The following ABCA1 variants were observed in gnomAD, a reference collection of about 807,000 sequenced individuals.
The protein encoded by ABCA1 is phospholipid-transporting ATPase ABCA1.
ABCA1 carries 133 observed loss-of-function variants against 262.5 expected under a neutral mutation model. The ratio of observed to expected loss-of-function variants is 0.51; its 90% CI spans 0.44 to 0.59. The LOEUF is 0.59. Ranked by LOEUF, ABCA1 falls within the 20% of genes least tolerant of loss-of-function variation. The pLI is 0.00. For missense variants in ABCA1, 2,452 were observed against 2,777.5 expected (o/e 0.88, Z 2.63); for synonymous variants, 1,022 against 1,043.5 (o/e 0.98, Z 0.40).
In ABCA1 at chr9:104,840,355, C is replaced by T. The variant is rs201116971; in HGVS notation, c.978G>A (p.Glu326=). ...CAAAGAGGGCTTTGTAGTTGTTGTC[C>T]TCATACCAGTTGAGAGACTTGATCT... ...GLKIKSLNWY[E]DNNYKALFGG... The change falls in exon 9 of 50, where the codon GAG becomes GAA. Residue 326 remains glutamate, a synonymous_variant. Coordinates refer to ENST00000374736, the MANE Select transcript of ABCA1 (RefSeq NM_005502.4). 1.2e-6 allele frequency: 2 copies of T among 1,614,182 alleles called. No homozygotes were observed. The highest frequency in any genetic ancestry group is 2.2e-5 in the East Asian group (1 of 44,876).
At chr9:104,833,542 T>C (rs1250309677) in intron 11 of ABCA1, among the ~76,000 whole-genome samples, 1 of 152,136 alleles carries the variant, frequency 6.6e-6, no homozygotes, top group African/African-American at 2.4e-5. Context: ...AGGTTAAGTC[T>C]CTAAGATTGG....
chr9:104,828,840 C>G, intron 15 of ABCA1, 76 bp downstream of exon 15: 1 of 1,448,820 alleles, frequency 6.9e-7, no homozygotes, highest in Non-Finnish European at 9.5e-7. Flanking sequence ...GATTTTTTTT[C>G]TTCTTCTCCT....
chr9:104,813,387 GAC>G (rs1225928975), intron 27 of ABCA1, among the ~76,000 whole-genome samples: 3 of 152,152 alleles, frequency 2.0e-5, no homozygotes, highest in Non-Finnish European at 4.4e-5. Flanking sequence ...AACACACAAA[GAC>G]ACACTCATCC....
At chr9:104,839,594 T>C (rs1011413183) in intron 9 of ABCA1, among the ~76,000 whole-genome samples, 3 of 152,230 alleles carry the variant, frequency 2.0e-5, no homozygotes, top group Non-Finnish European at 4.4e-5. Flanking sequence ...ATCTCAATGG[T>C]AATATTAAGA....
chr9:104,909,607 T>TAA, intron 1 of ABCA1, among the ~76,000 whole-genome samples: 1 of 134,062 alleles, frequency 7.5e-6, no homozygotes, highest in South Asian at 2.5e-4. Context: ...GCAAAAGAAA[T>TAA]ACACACACAC....
At chr9:104,807,069 A>G (rs1830830329) in intron 30 of ABCA1, among the ~76,000 whole-genome samples, 1 of 152,218 alleles carries the variant, frequency 6.6e-6, no homozygotes, top group Non-Finnish European at 1.5e-5. Context: ...TTTAGGAATA[A>G]TAGGAAGACA....
chr9:104,893,697 G>A (rs1364231756), intron 2 of ABCA1, among the ~76,000 whole-genome samples: 7 of 152,092 alleles, frequency 4.6e-5, no homozygotes, highest in Admixed American at 6.6e-5. Context: ...ATGTAGCAAG[G>A]CTAAGGCTGG....
chr9:104,845,876 C>A (rs111379120), intron 7 of ABCA1, among the ~76,000 whole-genome samples: 1 of 152,086 alleles, frequency 6.6e-6, no homozygotes, highest in African/African-American at 2.4e-5. Context: ...CAACTCTGAC[C>A]GCAAATTCCC....
In ABCA1 at chr9:104,831,819, G is replaced by A. The variant is rs146120255; in HGVS notation, c.1518C>T (p.Asn506=). 3 of 1,614,040 alleles carry A rather than the reference G, an allele frequency of 1.9e-6. No individual in the cohort carries two copies. In the African/African-American group the frequency reaches 4.0e-5, roughly 22 times the overall value. ...RTISRFMECV[N]LNKLEPIATE... is the part of the protein sequence containing the mutation. ...TTGCTATGGGTTCTAGCTTGTTCAG[G>A]TTGACACACTGATAGAAGAACAGCC... The change falls in exon 13 of 50, where the codon AAC becomes AAT. Residue 506 remains asparagine, a synonymous_variant. Coordinates refer to ENST00000374736, the MANE Select transcript of ABCA1 (RefSeq NM_005502.4).
chr9:104,819,906 G>A (rs1358482357), intron 21 of ABCA1, 21 bp downstream of exon 21: 1 of 1,611,204 alleles, frequency 6.2e-7, no homozygotes. Flanking sequence ...GAGGGATAGG[G>A]AAGGTAGCTC....
At chr9:104,859,377 T>C (rs1251831702) in intron 6 of ABCA1, among the ~76,000 whole-genome samples, 1 of 147,752 alleles carries the variant, frequency 6.8e-6, no homozygotes, top group Non-Finnish European at 1.5e-5. Context: ...TTCTACTTCA[T>C]ACGTGGTCCA....
chr9:104,790,024 A>C (rs774930241), intron 44 of ABCA1, among the ~76,000 whole-genome samples: 3 of 151,634 alleles, frequency 2.0e-5, no homozygotes, highest in Non-Finnish European at 4.4e-5. Flanking sequence ...TGAACCTGGG[A>C]GGCGGAGGTT....
intron 37 of ABCA1, among the ~76,000 whole-genome samples, chr9:104,797,243 A>C (rs575118243): frequency 6.6e-6 from 1 of 152,380 alleles, no homozygotes; most frequent in African/African-American, 2.4e-5. Flanking sequence ...CACAGCACTC[A>C]GTCTGTGTTT....
At chr9:104,839,731 A>C (rs7042310) in intron 9 of ABCA1, among the ~76,000 whole-genome samples, 350 of 152,338 alleles carry the variant, frequency 2.3e-3, no homozygotes, top group African/African-American at 8.0e-3. Flanking sequence ...TAAAAGGATC[A>C]CCACAATCAA....
Position 104,800,523 on chromosome 9 carries a change from T to A in ABCA1, c.4760A>T (p.Lys1587Ile), listed in dbSNP as rs2230808. ...ACAGCGGTTTACCTTGACATTATTT[T>A]TGGTGTCCAGTCCTGTCATAAATCT... is the stretch of plus-strand genomic sequence containing the variant. ...LGRFMTGLDT[K>I]NNVKVWFNNK... The change falls in exon 35 of 50, where the codon AAA (lysine) becomes ATA (isoleucine). Residue 1587 changes from lysine (K) to isoleucine (I), a missense_variant. By Grantham distance (102) the Lys-to-Ile change is moderately radical. Coordinates refer to ENST00000374736, the MANE Select transcript of ABCA1 (RefSeq NM_005502.4). 6.2e-7 allele frequency: 1 copy of A among 1,613,726 alleles called. No individual in the cohort carries two copies. Among genetic ancestry groups the A allele is most frequent in the Admixed American group, 1.7e-5 (1 of 59,992 alleles).
intron 1 of ABCA1, among the ~76,000 whole-genome samples, chr9:104,904,341 A>T (rs2081377009): frequency 6.6e-6 from 1 of 152,140 alleles, no homozygotes; most frequent in Non-Finnish European, 1.5e-5. Context: ...AGGCCGAGGC[A>T]GGCGGATCAC....
intron 1 of ABCA1, among the ~76,000 whole-genome samples, chr9:104,923,896 G>A (rs1049488970): frequency 1.3e-5 from 2 of 152,110 alleles, no homozygotes; most frequent in Non-Finnish European, 2.9e-5. Context: ...TAAAAATTTA[G>A]CCAGGAGCAG....
rs1834787413 is a variant in ABCA1 at position 104,845,467 on chromosome 9, C to CA, written c.813+9dup. The CA allele has an allele frequency of 6.2e-7, 1 of 1,607,428 alleles. No homozygotes were observed. Among genetic ancestry groups the CA allele is most frequent in the African/African-American group, 1.3e-5 (1 of 74,768 alleles). ...GATCCGCTTCCTGGTACTGGAAAGA[C>CA]ACAACTTACCTCCTGGGCCAGAGTC... On this transcript the variant is annotated intron_variant, in intron 8 of 49. Transcript: ENST00000374736.
At position 104,840,141 on chromosome 9, in the gene ABCA1, G is replaced by A. The variant is rs528237882; in HGVS notation, c.1054+138C>T. ...ATTCAAGAGAAGCCTCTCTCCTCTA[G>A]GAAGAGCTCAGTCTGGTGGGCAAAT... On this transcript the variant is annotated intron_variant, in intron 9 of 49. Coordinates refer to ENST00000374736, the MANE Select transcript of ABCA1 (RefSeq NM_005502.4). The A allele has an allele frequency of 3.4e-6, 5 of 1,457,452 alleles. No individual in the cohort carries two copies. In the African/African-American group the frequency reaches 5.6e-5, roughly 16 times the overall value. 90.3% of individuals were successfully genotyped at this position (1,457,452 alleles called of 1,614,324 possible).
Sources: gnomAD v4.1 joint callset for allele counts (sites outside exome capture counted in the v4.1 genomes callset) on GRCh38, gnomAD v4.1.1 for gene constraint, MANE v1.5 for transcripts, NCBI Gene and HGNC (gene_info 2026-07-23, HGNC 2026-07-21) for gene names.